CD101: variants seen among roughly 807,000 people sequenced by gnomAD.
CD101 encodes immunoglobulin superfamily member 2.
In CD101, 76 loss-of-function variants were observed where a neutral mutation model predicts 98.2. That is an observed-to-expected ratio of 0.77 (90% CI 0.64 to 0.94). The LOEUF is 0.94. CD101 is among the 40% of genes least tolerant of loss of function. CD101 has a pLI of 0.00. For synonymous variants in CD101, 471 were observed against 472.7 expected (o/e 1.00, Z 0.05); for missense variants, 1,145 against 1,218.8 (o/e 0.94, Z 0.90).
chr1:117,009,744 C>G (rs943674486), intron 1 of CD101, 106 bp from the exon 2 acceptor site: 2 of 1,208,302 alleles, frequency 1.7e-6, no homozygotes, highest in African/African-American at 3.0e-5. Context: ...TAATAACTTG[C>G]GATCTCATTT....
rs760299249 is a variant in CD101 at position 117,021,999 on chromosome 1, G to A, written c.2428+16G>A. The A allele has an allele frequency of 1.3e-6, 2 of 1,585,528 alleles. No individual in the cohort carries two copies. Among genetic ancestry groups the A allele is most frequent in the Non-Finnish European group, 1.7e-6 (2 of 1,166,966 alleles). ...AAGCCCACAGGTAAACCTTGCGAGT[G>A]TATCCTCACAATGTCTGTCTGTCTG... On this transcript the variant is annotated intron_variant, in intron 7 of 9. Coordinates refer to ENST00000682167, the MANE Select transcript of CD101 (RefSeq NM_001256106.3). The surrounding 1 kb of genome is among the most constrained non-coding windows in gnomAD (Gnocchi z 4.7).
chr1:117,036,239 T>C lies in CD101; in HGVS notation c.*105T>C, dbSNP rs901076002. 14 of 152,256 alleles carry C rather than the reference T, an allele frequency of 9.2e-5. No individual in the cohort carries two copies. Among genetic ancestry groups the C allele is most frequent in the African/African-American group, 3.1e-4 (13 of 41,438 alleles). 9.4% of individuals were successfully genotyped at this position (152,256 alleles called of 1,614,324 possible). On this transcript the variant is annotated 3_prime_UTR_variant, in exon 10 of 10. Transcript: ENST00000682167. This position sits in a 1 kb window ranked among gnomAD's most constrained non-coding sequence, Gnocchi z 5.0. The stretch of plus-strand genomic sequence containing the variant: ...GGTGACCTAGTCACCTGGAACCAGC[T>C]CCTGACAGACCCCGGCAACTTCTAG...
rs778677698 is a variant in CD101 at position 117,025,583 on chromosome 1, A to G, written c.2503A>G (p.Ser835Gly). ...GCACAGAGAAGTGGCCATCCGCTGCAGCCTGGAGAGTGTAGGCAGCTCAGC... is the reference window on the plus strand; with the variant it reads ...GCACAGAGAAGTGGCCATCCGCTGCGGCCTGGAGAGTGTAGGCAGCTCAGC... ...TEHREVAIRC[S>G]LESVGSSATL... The change falls in exon 8 of 10, where the codon AGC becomes GGC. Residue 835 changes from serine to glycine, a missense_variant. By Grantham distance (56) the Ser-to-Gly change is moderately conservative (BLOSUM62 0). Transcript: ENST00000682167. 1.2e-6 allele frequency: 2 copies of G among 1,613,634 alleles called. No homozygotes were observed. Among genetic ancestry groups the G allele is most frequent in the South Asian group, 2.2e-5 (2 of 91,070 alleles).
Position 117,011,970 on chromosome 1 carries a change from A to G in CD101, c.841+4A>G, listed in dbSNP as rs762472892. On this transcript the variant is annotated splice_donor_region_variant and intron_variant, in intron 3 of 9. Coordinates refer to ENST00000682167, the MANE Select transcript of CD101 (RefSeq NM_001256106.3). ...ACTCTGAGGATCCAGCCAGCAGGTA[A>G]TTATCTTCCTACGAAATTCATTAAT... 12 of 1,606,442 alleles carry G rather than the reference A, an allele frequency of 7.5e-6. No homozygotes were observed. In the Admixed American group the frequency reaches 1.8e-4, roughly 25 times the overall value.
chr1:117,004,885 G>A lies in CD101; in HGVS notation c.43+3025G>A, dbSNP rs975529663. Among the ~76,000 whole-genome samples the A allele has an allele frequency of 1.3e-5, 2 of 151,920 alleles. No individual in the cohort carries two copies. The highest frequency in any genetic ancestry group is 2.4e-5 in the African/African-American group (1 of 41,342). On this transcript the variant is annotated intron_variant, in intron 1 of 9. Transcript: ENST00000682167. This position sits in a 1 kb window ranked among gnomAD's most constrained non-coding sequence, Gnocchi z 4.1. ...AAACTGGGGCGGGTGGGGGAGGGGG[G>A]CTTATAAACAACAGAAATTTAGTTT... is the stretch of plus-strand genomic sequence containing the variant.
intron 8 of CD101, among the ~76,000 whole-genome samples, chr1:117,031,514 G>T (rs1322269091): frequency 1.3e-5 from 2 of 152,204 alleles, no homozygotes; most frequent in Non-Finnish European, 2.9e-5. Context: ...GACTAGAGAT[G>T]TAAGGGAGAG....
chr1:117,025,991 T>C, intron 8 of CD101, 87 bp downstream of exon 8: 1 of 1,415,122 alleles, frequency 7.1e-7, no homozygotes, highest in South Asian at 1.5e-5. Context: ...TATCTTTTGC[T>C]CCTTCTGAAG....
Position 117,003,532 on chromosome 1 carries a change from G to C in CD101, c.43+1672G>C, listed in dbSNP as rs541133505. On this transcript the variant is annotated intron_variant, in intron 1 of 9. Coordinates refer to ENST00000682167, the MANE Select transcript of CD101 (RefSeq NM_001256106.3). ...TTTTTGTTGTTTGGTTAAGTTGTCT[G>C]AGTGTGATTCTCAAGTGTATGTGCT... is the stretch of plus-strand genomic sequence containing the variant. Among the ~76,000 whole-genome samples, 7 of 152,320 alleles carry C rather than the reference G, an allele frequency of 4.6e-5. No homozygotes were observed. In the East Asian group the frequency reaches 1.3e-3, roughly 29 times the overall value.
Position 117,005,017 on chromosome 1 carries a change from C to T in CD101, c.43+3157C>T, listed in dbSNP as rs1056250914. On this transcript the variant is annotated intron_variant, in intron 1 of 9. Transcript: ENST00000682167. This position sits in a 1 kb window ranked among gnomAD's most constrained non-coding sequence, Gnocchi z 4.4. The stretch of plus-strand genomic sequence containing the variant: ...GTCCTCACGTGGCAGAAGGGGCTAG[C>T]GAGCTTCCTGGACTCTTTTACAAGG... Among the ~76,000 whole-genome samples, 3 of 152,046 alleles carry T rather than the reference C, an allele frequency of 2.0e-5. No individual in the cohort carries two copies. Among genetic ancestry groups the T allele is most frequent in the Non-Finnish European group, 4.4e-5 (3 of 68,006 alleles).
rs1224794580 is a variant in CD101 at position 117,023,309 on chromosome 1, T to C, written c.2428+1326T>C. ...CACTGCTTAGCTCAAGTGCTTCCCA[T>C]GTAGAAATGTGGGCTCCGTGTTGTC... is the stretch of plus-strand genomic sequence containing the variant. On this transcript the variant is annotated intron_variant, in intron 7 of 9. Transcript: ENST00000682167. This position sits in a 1 kb window ranked among gnomAD's most constrained non-coding sequence, Gnocchi z 4.4. Among the ~76,000 whole-genome samples, 2 of 152,230 alleles carry C rather than the reference T, an allele frequency of 1.3e-5. No homozygotes were observed. Among genetic ancestry groups the C allele is most frequent in the African/African-American group, 2.4e-5 (1 of 41,464 alleles).
rs1416537418 is a variant in CD101 at position 117,021,505 on chromosome 1, T to C, written c.2018-68T>C. On this transcript the variant is annotated intron_variant, in intron 6 of 9. Transcript: ENST00000682167. The surrounding 1 kb of genome is among the most constrained non-coding windows in gnomAD (Gnocchi z 4.7). Reference sequence around the variant, plus strand: ...GGAGGATGCAGTGTCATACTTGACCTCTAATGTCTCTACTACCTTAACTTT... The same window carrying C: ...GGAGGATGCAGTGTCATACTTGACCCCTAATGTCTCTACTACCTTAACTTT... 7.3e-7 allele frequency: 1 copy of C among 1,364,490 alleles called. No individual in the cohort carries two copies. Among genetic ancestry groups the C allele is most frequent in the Non-Finnish European group, 9.8e-7 (1 of 1,018,448 alleles). 84.5% of individuals were successfully genotyped at this position (1,364,490 alleles called of 1,614,324 possible).
In CD101 at chr1:117,021,498, C is replaced by G; in HGVS notation, c.2018-75C>G. On this transcript the variant is annotated intron_variant, in intron 6 of 9. Transcript: ENST00000682167. This position sits in a 1 kb window ranked among gnomAD's most constrained non-coding sequence, Gnocchi z 4.7. ...GATGGCGGGAGGATGCAGTGTCATA[C>G]TTGACCTCTAATGTCTCTACTACCT... The G allele has an allele frequency of 7.8e-7, 1 of 1,290,020 alleles. No individual in the cohort carries two copies. The highest frequency in any genetic ancestry group is 1.5e-5 in the African/African-American group (1 of 67,014). The allele number at this position is 1,290,020 out of a possible 1,614,324, so 79.9% of individuals were successfully genotyped here. A position where few individuals can be genotyped will look rare whatever the true frequency, so the allele number is the denominator to read the frequency against.
At position 117,017,258 on chromosome 1, in the gene CD101, A is replaced by T. The variant is rs776869170; in HGVS notation, c.1397A>T (p.Asp466Val). ...GAGTTTGTGGCTGGCATGGGGCAGGATGGCATTGTGCAGCTGGGTGCCTCC... is the reference window on the plus strand; with the variant it reads ...GAGTTTGTGGCTGGCATGGGGCAGGTTGGCATTGTGCAGCTGGGTGCCTCC... ...QPEFVAGMGQ[D>V]GIVQLGASYG... Residue 466 changes from aspartate (D) to valine (V), a missense_variant, in exon 5 of 10, where the codon GAT becomes GTT. By Grantham distance (152) the Asp-to-Val change is radical (BLOSUM62 -3). Transcript: ENST00000682167. 5 of 1,614,080 alleles carry T rather than the reference A, an allele frequency of 3.1e-6. No homozygotes were observed. The highest frequency in any genetic ancestry group is 4.2e-6 in the Non-Finnish European group (5 of 1,180,042).
At position 117,017,423 on chromosome 1, in the gene CD101, C is replaced by T; in HGVS notation, c.1562C>T (p.Ala521Val). The T allele has an allele frequency of 6.2e-7, 1 of 1,614,062 alleles. No homozygotes were observed. The highest frequency in any genetic ancestry group is 8.5e-7 in the Non-Finnish European group (1 of 1,179,914). ...GTATCTGAGAAGTCTCGGAACCAGGCCAGAGATCTGAGCTGGACTCAGAAG... is the reference window on the plus strand; with the variant it reads ...GTATCTGAGAAGTCTCGGAACCAGGTCAGAGATCTGAGCTGGACTCAGAAG... The part of the protein sequence containing the change: ...CRVSEKSRNQ[A>V]RDLSWTQKIS... Residue 521 changes from alanine (A) to valine (V), a missense_variant, in exon 5 of 10, where the codon GCC becomes GTC. Ala to Val is a moderately conservative substitution (Grantham distance 64). Coordinates refer to ENST00000682167, the MANE Select transcript of CD101 (RefSeq NM_001256106.3).
In CD101 at chr1:117,011,928, A is replaced by G; in HGVS notation, c.803A>G (p.Lys268Arg). Residue 268 changes from lysine to arginine, a missense_variant, in exon 3 of 10, where the codon AAG (lysine) becomes AGG (arginine). Coordinates refer to ENST00000682167, the MANE Select transcript of CD101 (RefSeq NM_001256106.3). ...GAAACTTGGATGTTCATCACCAAAA[A>G]GCAGACCGATCAAACCACTCTGAGG... ...PDETWMFITK[K>R]QTDQTTLRIQ... is the part of the protein sequence containing the mutation. 1 of 1,614,130 alleles carries G rather than the reference A, an allele frequency of 6.2e-7. No homozygotes were observed. The highest frequency in any genetic ancestry group is 8.5e-7 in the Non-Finnish European group (1 of 1,179,992).
chr1:117,027,736 T>C (rs1336514235), intron 8 of CD101, among the ~76,000 whole-genome samples: 1 of 152,084 alleles, frequency 6.6e-6, no homozygotes, highest in Non-Finnish European at 1.5e-5. Flanking sequence ...ATTGAAAAAG[T>C]TTAAGCAGGG....
At chr1:117,034,164 G>T (rs1294877841) in intron 9 of CD101, 30 bp downstream of exon 9, 9 of 1,576,684 alleles carry the variant, frequency 5.7e-6, no homozygotes, top group Admixed American at 1.8e-5. Flanking sequence ...GCTAACCAGG[G>T]TGTGAATGAA....
At chr1:117,002,438 C>T (rs1374756030) in intron 1 of CD101, among the ~76,000 whole-genome samples, 1 of 152,232 alleles carries the variant, frequency 6.6e-6, no homozygotes, top group South Asian at 2.1e-4. Context: ...CTTGCCTGAT[C>T]TAGGGGCATT....
intron 8 of CD101, among the ~76,000 whole-genome samples, chr1:117,027,407 G>T (rs537966997): frequency 1.3e-5 from 2 of 152,326 alleles, no homozygotes; most frequent in East Asian, 1.9e-4. Context: ...TAGACTAGGG[G>T]AACAACAGAG....
Sources: allele counts gnomAD v4.1 joint callset (sites outside exome capture counted in the v4.1 genomes callset), GRCh38; gene constraint gnomAD v4.1.1; non-coding constraint Gnocchi (gnomAD v3.1); transcripts MANE v1.5; gene names NCBI Gene and HGNC (gene_info 2026-07-23, HGNC 2026-07-21).